Variants in KIFC3 observed in about 807,000 individuals in gnomAD.
The protein encoded by KIFC3 is kinesin-like protein KIFC3.
Under a neutral mutation model 101.8 loss-of-function variants are expected in KIFC3, and 60 were observed. The observed-to-expected ratio is 0.59, with a 90% CI of 0.48 to 0.73. KIFC3 has a LOEUF of 0.73. Ranked by LOEUF, KIFC3 falls within the 30% of genes least tolerant of loss-of-function variation. The pLI, the probability that KIFC3 is intolerant of heterozygous loss-of-function variation, is 0.00. For missense variants in KIFC3, 966 were observed against 1,137.1 expected, an observed-to-expected ratio of 0.85 and a Z score of 2.16; for synonymous variants, 476 against 482.7, an observed-to-expected ratio of 0.99 and a Z score of 0.18.
chr16:57,855,235 A>G (rs1276091637), intron 1 of KIFC3, among the ~76,000 whole-genome samples: 1 of 147,018 alleles, frequency 6.8e-6, no homozygotes, highest in Admixed American at 7.1e-5. Context: ...AGTGATTCTC[A>G]TGCCTCAGCC....
rs782707325 is a variant in KIFC3 at position 57,798,133 on chromosome 16, T to TGGGGC, written c.106_110dup (p.Ala38ProfsTer20). 1 of 1,559,594 alleles carries TGGGGC rather than the reference T, an allele frequency of 6.4e-7. No individual in the cohort carries two copies. Among genetic ancestry groups the TGGGGC allele is most frequent in the Non-Finnish European group, 8.7e-7 (1 of 1,152,654 alleles). On this transcript the variant is annotated frameshift_variant, in exon 2 of 20. Transcript: ENST00000445690. LOFTEE classifies it high-confidence loss of function. Reference sequence around the variant, plus strand: ...GGCGGGCGGCCGGGCTGGCTGGGGCTGGGGCGGGGCGAGCCATCCCCGGCT... The same window carrying TGGGGC: ...GGCGGGCGGCCGGGCTGGCTGGGGCTGGGGCGGGGCGGGGCGAGCCATCCCCGGCT...
At chr16:57,820,435 C>T (rs1263495686) in intron 1 of KIFC3, among the ~76,000 whole-genome samples, 10 of 152,062 alleles carry the variant, frequency 6.6e-5, no homozygotes, top group African/African-American at 9.7e-5. Context: ...CCATAACACT[C>T]GGCTAATTTT....
chr16:57,817,113 C>T (rs2055245831), intron 1 of KIFC3, among the ~76,000 whole-genome samples: 1 of 152,166 alleles, frequency 6.6e-6, no homozygotes, highest in African/African-American at 2.4e-5. Flanking sequence ...AATCCCAGCA[C>T]TTTGGGAGGC....
Position 57,758,709 on chromosome 16 carries a change from G to A in KIFC3, c.*225C>T, listed in dbSNP as rs782316067. On this transcript the variant is annotated 3_prime_UTR_variant, in exon 20 of 20. Coordinates refer to ENST00000445690, the MANE Select transcript of KIFC3 (RefSeq NM_001130100.2). ...CCCCGCCTTTCCGCCCATGCAATTTGCACTCAGAGCCACAGCCGAGAGACA... is the reference window on the plus strand; with the variant it reads ...CCCCGCCTTTCCGCCCATGCAATTTACACTCAGAGCCACAGCCGAGAGACA... The A allele has an allele frequency of 1.3e-6, 1 of 771,298 alleles. No homozygotes were observed. Among genetic ancestry groups the A allele is most frequent in the South Asian group, 1.4e-5 (1 of 69,198 alleles). 47.8% of individuals were successfully genotyped at this position (771,298 alleles called of 1,614,324 possible).
intron 3 of KIFC3, among the ~76,000 whole-genome samples, chr16:57,778,638 A>G (rs1257097967): frequency 6.6e-6 from 1 of 152,252 alleles, no homozygotes; most frequent in Non-Finnish European, 1.5e-5. Context: ...TCTCCAGAGA[A>G]GACATACAAA....
In KIFC3 at chr16:57,762,176, G is replaced by T. The variant is rs1555598559; in HGVS notation, c.1712C>A (p.Thr571Asn). The T allele has an allele frequency of 2.5e-6, 4 of 1,608,720 alleles. No homozygotes were observed. In the African/African-American group the frequency reaches 5.4e-5, roughly 22 times the overall value. Reference protein sequence around the residue: ...EKASDWEYTITVSAAEIYNEV... With the variant: ...EKASDWEYTINVSAAEIYNEV... ...ATTGTAGATCTCCGCAGCGCTGACG[G>T]TGATGGTGTACTCCCAGTCAGACGC... Residue 571 changes from threonine (T) to asparagine (N), a missense_variant, in exon 13 of 20, where the codon ACC becomes AAC. Physicochemically the swap from Thr to Asn is moderately conservative, Grantham distance 65. Around this residue, in one of 2 missense-constraint regions of KIFC3, gnomAD observed 689 missense variants for 884.6 expected, o/e 0.78. Transcript: ENST00000445690.
chr16:57,800,204 G>T (rs2054629113), intron 1 of KIFC3, among the ~76,000 whole-genome samples: 1 of 152,340 alleles, frequency 6.6e-6, no homozygotes, highest in South Asian at 2.1e-4. Context: ...AACCCTGGAA[G>T]AATGCCAGGC....
chr16:57,773,833 G>A (rs1257682981), intron 3 of KIFC3: 2 of 152,138 alleles, frequency 1.3e-5, no homozygotes, highest in African/African-American at 2.4e-5. Flanking sequence ...GTTCGGCCTC[G>A]GAGGTCCCTG....
At chr16:57,861,485 C>T (rs1959268540) in intron 1 of KIFC3, among the ~76,000 whole-genome samples, 1 of 152,166 alleles carries the variant, frequency 6.6e-6, no homozygotes, top group African/African-American at 2.4e-5. Context: ...AATTATCAAT[C>T]TCATAAATGA....
rs1490797622 is a variant in KIFC3, at chr16:57,761,232, G to A, written c.1873-61C>T. On this transcript the variant is annotated intron_variant, in intron 14 of 19. Transcript: ENST00000445690. Reference sequence around the variant, plus strand: ...GAGAATGGGGTCCTCAGAGTCACCTGGCCCCAAGCACCCATGAGGAGTGGC... The same window carrying A: ...GAGAATGGGGTCCTCAGAGTCACCTAGCCCCAAGCACCCATGAGGAGTGGC... The A allele has an allele frequency of 1.1e-5, 17 of 1,601,952 alleles. 1 individual carries two copies. The highest frequency in any genetic ancestry group is 1.0e-4 in the South Asian group (9 of 89,754).
chr16:57,809,071 C>G (rs1042944785), intron 1 of KIFC3, among the ~76,000 whole-genome samples: 3 of 152,126 alleles, frequency 2.0e-5, no homozygotes, highest in Non-Finnish European at 4.4e-5. Context: ...GTGGGAGGAT[C>G]GCTTAAGCCC....
intron 13 of KIFC3, among the ~76,000 whole-genome samples, 186 bp from the exon 14 acceptor site, chr16:57,761,722 C>T (rs1555597960): frequency 6.6e-6 from 1 of 152,078 alleles, no homozygotes; most frequent in African/African-American, 2.4e-5. Context: ...TCTCACTCCA[C>T]AATACAATGA....
chr16:57,779,703 A>G (rs2052500853), intron 3 of KIFC3, among the ~76,000 whole-genome samples: 3 of 152,154 alleles, frequency 2.0e-5, no homozygotes. Context: ...AGTCCCAGCT[A>G]TGCGGGAGCC....
chr16:57,768,279 G>A (rs2967169), intron 9 of KIFC3, among the ~76,000 whole-genome samples: 65,721 of 151,936 alleles, frequency 0.43, 16,827 homozygotes, highest in Non-Finnish European at 0.57. Flanking sequence ...CCGGGAGGTG[G>A]GGGTTGCAGT....
intron 1 of KIFC3, among the ~76,000 whole-genome samples, chr16:57,831,588 G>A (rs1456369818): frequency 6.6e-6 from 1 of 152,164 alleles, no homozygotes; most frequent in Non-Finnish European, 1.5e-5. Context: ...TACTCAGGAG[G>A]CTGAAGCAGG....
intron 5 of KIFC3, 24 bp downstream of exon 5, chr16:57,771,518 TG>T (rs782207307): frequency 1.2e-6 from 2 of 1,610,804 alleles, no homozygotes; most frequent in Non-Finnish European, 1.7e-6. Flanking sequence ...AGGACCAGCA[TG>T]GGGACCACGG....
chr16:57,789,236 C>G (rs1169374021), intron 3 of KIFC3, among the ~76,000 whole-genome samples: 1 of 152,240 alleles, frequency 6.6e-6, no homozygotes, highest in Non-Finnish European at 1.5e-5. Flanking sequence ...CACAGCCCTG[C>G]CTCCTTCACT....
intron 1 of KIFC3, among the ~76,000 whole-genome samples, chr16:57,848,801 A>G (rs751458616): frequency 3.3e-5 from 5 of 152,244 alleles, no homozygotes; most frequent in Non-Finnish European, 7.3e-5. Context: ...AGGCAGCCAT[A>G]ACAAAAAACT....
At position 57,853,303 on chromosome 16, in the gene KIFC3, CAGCT is replaced by C. The variant is rs2056095488; in HGVS notation, c.108+9422_108+9425del. 3.9e-5 allele frequency among the ~76,000 whole-genome samples: 6 copies of C among 152,124 alleles called. No individual in the cohort carries two copies. The South Asian group carries it at 1.2e-3, about 32-fold the overall frequency. On this transcript the variant is annotated intron_variant, in intron 1 of 2. Coordinates refer to the KIFC3 transcript ENST00000563028. The stretch of plus-strand genomic sequence containing the variant: ...GCATGGTGGTACATGCCTGTAGTCC[CAGCT>C]ACCTGGACGGCTGGGGCAGGAGAAT...
Sources: gnomAD v4.1 joint callset for allele counts (sites outside exome capture counted in the v4.1 genomes callset) on GRCh38, gnomAD v4.1.1 for gene constraint, gnomAD v4.1.1 regional missense constraint, MANE v1.5 for transcripts, NCBI Gene and HGNC (gene_info 2026-07-23, HGNC 2026-07-21) for gene names.